Variants in ARMH3 observed in about 807,000 individuals in gnomAD.
ARMH3 encodes the protein armadillo like helical domain containing 3, also known as armadillo-like helical domain-containing protein 3.
A neutral mutation model predicts 99.1 loss-of-function variants in ARMH3; 60 were observed. The ratio of observed to expected loss-of-function variants is 0.61; its 90% CI spans 0.49 to 0.75. The LOEUF (loss-of-function observed/expected upper bound fraction) is 0.75. ARMH3 is among the 30% of genes least tolerant of loss of function. The pLI is 0.00. For synonymous variants in ARMH3, 285 were observed against 292.8 expected (o/e 0.97, Z 0.27); for missense variants, 679 against 843.1 (o/e 0.81, Z 2.41).
At chr10:102,003,750 C>G (rs1484945075) in intron 14 of ARMH3, among the ~76,000 whole-genome samples, 2 of 152,188 alleles carry the variant, frequency 1.3e-5, no homozygotes, top group Non-Finnish European at 2.9e-5. Flanking sequence ...GAAACATTTG[C>G]ATTTTATGAA....
intron 13 of ARMH3, among the ~76,000 whole-genome samples, chr10:102,007,435 G>T (rs985376926): frequency 6.6e-6 from 1 of 151,352 alleles, no homozygotes; most frequent in South Asian, 2.1e-4. Flanking sequence ...GATCTCATCA[G>T]ATCAACCTAA....
chr10:101,904,263 C>T (rs75657023), intron 23 of ARMH3, among the ~76,000 whole-genome samples: 40 of 152,272 alleles, frequency 2.6e-4, no homozygotes, highest in African/African-American at 9.1e-4. Context: ...AGAGCCTGAG[C>T]AAACACCTTA....
intron 23 of ARMH3, among the ~76,000 whole-genome samples, chr10:101,894,315 T>C (rs1402981825): frequency 6.6e-6 from 1 of 152,216 alleles, no homozygotes; most frequent in Admixed American, 6.5e-5. Flanking sequence ...AGACAGGGCT[T>C]GGAGGCTTCC....
intron 1 of ARMH3, among the ~76,000 whole-genome samples, chr10:102,050,702 AC>A (rs2067680513): frequency 6.6e-6 from 1 of 151,528 alleles, no homozygotes; most frequent in Non-Finnish European, 1.5e-5. Context: ...TACTAAATAT[AC>A]AAAAATTAGT....
At chr10:102,000,042 T>C (rs189655448) in intron 15 of ARMH3, among the ~76,000 whole-genome samples, 30 of 152,000 alleles carry the variant, frequency 2.0e-4, no homozygotes, top group Non-Finnish European at 2.6e-4. Flanking sequence ...TTGGTTGCAA[T>C]TGCACTCTAG....
At chr10:101,987,912 T>A (rs896478265) in intron 19 of ARMH3, among the ~76,000 whole-genome samples, 1 of 152,214 alleles carries the variant, frequency 6.6e-6, no homozygotes, top group African/African-American at 2.4e-5. Context: ...TTTTTAATTC[T>A]TTGCCACTTC....
chr10:101,867,147 C>T (rs1258749822), intron 24 of ARMH3, among the ~76,000 whole-genome samples: 57 of 152,158 alleles, frequency 3.7e-4, no homozygotes, highest in Admixed American at 3.7e-3. Flanking sequence ...AAGAAAAACA[C>T]CTAGTTTTTA....
At chr10:101,961,453 A>C (rs3802682) in intron 20 of ARMH3, among the ~76,000 whole-genome samples, 84,385 of 151,958 alleles carry the variant, frequency 0.56, 23,640 homozygotes, top group East Asian at 0.76. Context: ...TTTCTTTAGA[A>C]AAAATCAGAA....
At chr10:102,012,442 C>T (rs2066651568) in intron 10 of ARMH3, among the ~76,000 whole-genome samples, 1 of 152,174 alleles carries the variant, frequency 6.6e-6, no homozygotes, top group African/African-American at 2.4e-5. Flanking sequence ...ATACTTTCTC[C>T]TTTTATATAT....
chr10:101,916,820 G>C (rs917801464), intron 23 of ARMH3, among the ~76,000 whole-genome samples: 1 of 152,152 alleles, frequency 6.6e-6, no homozygotes, highest in Non-Finnish European at 1.5e-5. Flanking sequence ...TAGAACAAAA[G>C]GCAGAGGAAG....
intron 1 of ARMH3, among the ~76,000 whole-genome samples, chr10:102,045,976 T>C (rs924592900): frequency 9.2e-5 from 14 of 152,012 alleles, no homozygotes; most frequent in South Asian, 4.2e-4. Flanking sequence ...ATTCCTGTAA[T>C]CCCAGCTACT....
In ARMH3 at chr10:101,888,898, T is replaced by C. The variant is rs189310979; in HGVS notation, c.1860+514A>G. 7.9e-5 allele frequency among the ~76,000 whole-genome samples: 12 copies of C among 152,308 alleles called. No individual in the cohort carries two copies. In the East Asian group the frequency reaches 2.3e-3, roughly 29 times the overall value. ...TAAAGAAAACAAAGACACAAGGCTA[T>C]CTGCATCTCTAACTCAGTCCATACC... On this transcript the variant is annotated intron_variant, in intron 24 of 25. Coordinates refer to ENST00000370033, the MANE Select transcript of ARMH3 (RefSeq NM_024541.3).
intron 22 of ARMH3, among the ~76,000 whole-genome samples, chr10:101,947,259 G>T (rs891914673): frequency 2.0e-5 from 3 of 152,058 alleles, no homozygotes; most frequent in African/African-American, 4.8e-5. Context: ...AATGACTACA[G>T]ATTTATTTTC....
chr10:101,955,778 A>C (rs1306549934), intron 22 of ARMH3, among the ~76,000 whole-genome samples: 1 of 152,208 alleles, frequency 6.6e-6, no homozygotes, highest in East Asian at 1.9e-4. Flanking sequence ...GAGGATTCTA[A>C]AGAGATACAA....
chr10:101,972,072 C>G (rs1237401086), intron 20 of ARMH3, among the ~76,000 whole-genome samples: 1 of 152,136 alleles, frequency 6.6e-6, no homozygotes, highest in Non-Finnish European at 1.5e-5. Context: ...ACAGTGGCAG[C>G]AGGGAGTAGA....
rs1490557579 is a variant in ARMH3, at chr10:101,847,089, A to C, written c.*439T>G. The C allele has an allele frequency of 6.1e-6, 1 of 162,776 alleles. No individual in the cohort carries two copies. The highest frequency in any genetic ancestry group is 1.3e-5 in the Non-Finnish European group (1 of 74,546). The allele number at this position is 162,776 out of a possible 1,614,324, so 10.1% of individuals were successfully genotyped here. A position where few individuals can be genotyped will look rare whatever the true frequency, so the allele number is the denominator to read the frequency against. The stretch of plus-strand genomic sequence containing the variant: ...TCAAGCCAAGCACAGCCCCAGGCCC[A>C]AAGGAAGCAGGATGTAGCTCCAGCT... On this transcript the variant is annotated 3_prime_UTR_variant, in exon 26 of 26. Coordinates refer to ENST00000370033, the MANE Select transcript of ARMH3 (RefSeq NM_024541.3).
intron 2 of ARMH3, among the ~76,000 whole-genome samples, chr10:102,035,635 A>T (rs1194830246): frequency 6.6e-6 from 1 of 152,182 alleles, no homozygotes; most frequent in Non-Finnish European, 1.5e-5. Context: ...CCAGCTCCTA[A>T]CCGCGAGTGA....
chr10:101,972,815 C>T (rs530607374), intron 20 of ARMH3, among the ~76,000 whole-genome samples: 1 of 152,256 alleles, frequency 6.6e-6, no homozygotes, highest in East Asian at 1.9e-4. Flanking sequence ...GATGCCTTCG[C>T]GACAAGCAAT....
intron 22 of ARMH3, among the ~76,000 whole-genome samples, chr10:101,948,055 G>A (rs1402492436): frequency 6.6e-6 from 1 of 152,110 alleles, no homozygotes; most frequent in African/African-American, 2.4e-5. Flanking sequence ...AAAGTGCGGG[G>A]AGGGGCAAAC....
Sources: allele counts gnomAD v4.1 joint callset (sites outside exome capture counted in the v4.1 genomes callset), GRCh38; gene constraint gnomAD v4.1.1; transcripts MANE v1.5; gene names NCBI Gene and HGNC (gene_info 2026-07-23, HGNC 2026-07-21).